RBKS: variants seen among roughly 807,000 people sequenced by gnomAD.
RBKS encodes the protein ribokinase.
In RBKS, 33 loss-of-function variants were observed where a neutral mutation model predicts 33.9. That is an observed-to-expected ratio of 0.97 (90% CI 0.74 to 1.30). The LOEUF (loss-of-function observed/expected upper bound fraction) is 1.30. Ranked by LOEUF, RBKS falls within the 50% of genes most tolerant of loss-of-function variation. The pLI, the probability that RBKS is intolerant of heterozygous loss-of-function variation, is 0.00. For missense variants in RBKS, 361 were observed against 392.6 expected (o/e 0.92, Z 0.68); for synonymous variants, 125 against 143.0 (o/e 0.87, Z 0.90).
At chr2:27,864,808 C>T (rs1664056622) in intron 1 of RBKS, among the ~76,000 whole-genome samples, 1 of 152,204 alleles carries the variant, frequency 6.6e-6, no homozygotes, top group Non-Finnish European at 1.5e-5. Context: ...GGACATTTCA[C>T]ACACAGCTGC....
rs75327844 is a variant in RBKS at position 27,782,628 on chromosome 2, A to G, written c.796-840T>C. On this transcript the variant is annotated intron_variant, in intron 7 of 7. Transcript: ENST00000302188. ...GGTGAAATGTCATTTTCATCACATC[A>G]TATTAAGGGCACATATGATCAACAT... 1,565 of 467,566 alleles carry G rather than the reference A, an allele frequency of 3.3e-3. 21 individuals are homozygous for G. Among genetic ancestry groups the G allele is most frequent in the African/African-American group, 0.028 (1,427 of 50,188 alleles). The allele number at this position is 467,566 out of a possible 1,614,324, so 29.0% of individuals were successfully genotyped here.
intron 7 of RBKS, among the ~76,000 whole-genome samples, chr2:27,823,572 G>C (rs537712460): frequency 1.3e-5 from 2 of 152,154 alleles, no homozygotes; most frequent in African/African-American, 2.4e-5. Flanking sequence ...ATGCCTCCCT[G>C]GGAGCTCCTC....
rs557168800 is a variant in RBKS, at chr2:27,837,090, G to A, written c.515-4313C>T. On this transcript the variant is annotated intron_variant, in intron 5 of 7. Transcript: ENST00000302188. This position sits in a 1 kb window ranked among gnomAD's most constrained non-coding sequence, Gnocchi z 4.0. ...AGATTAAGATCATCCTGGCTAACACGGTGAAACCCTGTCTCTACTAAAAAT... is the reference window on the plus strand; with the variant it reads ...AGATTAAGATCATCCTGGCTAACACAGTGAAACCCTGTCTCTACTAAAAAT... 6.6e-6 allele frequency among the ~76,000 whole-genome samples: 1 copy of A among 151,942 alleles called. No homozygotes were observed. Among genetic ancestry groups the A allele is most frequent in the East Asian group, 1.9e-4 (1 of 5,192 alleles).
In RBKS at chr2:27,890,358, C is replaced by T. The variant is rs1387243694; in HGVS notation, c.-13G>A. 6.2e-7 allele frequency: 1 copy of T among 1,611,896 alleles called. No individual in the cohort carries two copies. Among genetic ancestry groups the T allele is most frequent in the Non-Finnish European group, 8.5e-7 (1 of 1,179,556 alleles). On this transcript the variant is annotated 5_prime_UTR_variant, in exon 1 of 8. Coordinates refer to ENST00000302188, the MANE Select transcript of RBKS (RefSeq NM_022128.3). The surrounding 1 kb of genome is among the most constrained non-coding windows in gnomAD (Gnocchi z 4.8). ...CAGACGCCGCCATCGCTCAAAGGTG[C>T]TGCTGTCCAACCTGGACGGTGACCT...
intron 7 of RBKS, among the ~76,000 whole-genome samples, chr2:27,806,577 A>G (rs2148191772): frequency 6.6e-6 from 1 of 152,350 alleles, no homozygotes; most frequent in African/African-American, 2.4e-5. Context: ...CTCAAGGTCA[A>G]ATGGCTAGGT....
intron 7 of RBKS, among the ~76,000 whole-genome samples, chr2:27,787,544 G>A (rs1677428329): frequency 6.6e-6 from 1 of 152,186 alleles, no homozygotes; most frequent in African/African-American, 2.4e-5. Context: ...ACAGGTACGA[G>A]CCACTGTGCC....
At position 27,890,330 on chromosome 2, in the gene RBKS, C is replaced by T. The variant is rs1453732486; in HGVS notation, c.16G>A (p.Glu6Lys). ...TCCTCTTGCCACTGCCTCTGGGGTT[C>T]CCCAGACGCCGCCATCGCTCAAAGG... MAASG[E>K]PQRQWQEEVA... The change falls in exon 1 of 8, where the codon GAA becomes AAA. Residue 6 changes from glutamate to lysine, a missense_variant. Coordinates refer to ENST00000302188, the MANE Select transcript of RBKS (RefSeq NM_022128.3). The surrounding 1 kb of genome is among the most constrained non-coding windows in gnomAD (Gnocchi z 4.8). 1 of 1,613,550 alleles carries T rather than the reference C, an allele frequency of 6.2e-7. No individual in the cohort carries two copies. Among genetic ancestry groups the T allele is most frequent in the Non-Finnish European group, 8.5e-7 (1 of 1,179,990 alleles).
chr2:27,842,877 TG>T (rs1222608429), intron 5 of RBKS, among the ~76,000 whole-genome samples, 189 bp downstream of exon 5: 1 of 151,966 alleles, frequency 6.6e-6, no homozygotes, highest in Non-Finnish European at 1.5e-5. Context: ...ATGCTACTCA[TG>T]TTTTTTTTTT....
chr2:27,828,932 A>G (rs1678370569), intron 6 of RBKS, among the ~76,000 whole-genome samples: 1 of 152,034 alleles, frequency 6.6e-6, no homozygotes, highest in Non-Finnish European at 1.5e-5. Flanking sequence ...TTGCTCTATT[A>G]CTCCAGCTGG....
At chr2:27,828,130 T>C (rs1022662659) in intron 6 of RBKS, among the ~76,000 whole-genome samples, 113 of 152,336 alleles carry the variant, frequency 7.4e-4, no homozygotes, top group African/African-American at 2.5e-3. Flanking sequence ...TACTTTTTTT[T>C]CCACTTACTT....
chr2:27,844,304 T>G (rs1663574335), intron 4 of RBKS, among the ~76,000 whole-genome samples: 1 of 147,580 alleles, frequency 6.8e-6, no homozygotes, highest in Non-Finnish European at 1.5e-5. Flanking sequence ...TCCACTGAGG[T>G]GTGCTTCAAG....
At chr2:27,874,598 A>T (rs1250752907) in intron 1 of RBKS, among the ~76,000 whole-genome samples, 1 of 152,190 alleles carries the variant, frequency 6.6e-6, no homozygotes, top group Non-Finnish European at 1.5e-5. Context: ...ATCTGTGCCA[A>T]TCATGACTCC....
At position 27,810,976 on chromosome 2, in the gene RBKS, G is replaced by A. The variant is rs896268449; in HGVS notation, c.795+16591C>T. On this transcript the variant is annotated intron_variant, in intron 7 of 7. Coordinates refer to ENST00000302188, the MANE Select transcript of RBKS (RefSeq NM_022128.3). This position sits in a 1 kb window ranked among gnomAD's most constrained non-coding sequence, Gnocchi z 4.4. ...GTGTGAATTCTCAGAAGTGGCAAAG[G>A]AAGCCCTTTACAACCCAACCCTGCC... 6.6e-6 allele frequency among the ~76,000 whole-genome samples: 1 copy of A among 152,152 alleles called. No individual in the cohort carries two copies. The highest frequency in any genetic ancestry group is 1.5e-5 in the Non-Finnish European group (1 of 68,026).
At chr2:27,813,242 C>T (rs954976029) in intron 7 of RBKS, among the ~76,000 whole-genome samples, 4 of 151,968 alleles carry the variant, frequency 2.6e-5, no homozygotes, top group African/African-American at 4.8e-5. Flanking sequence ...GCTCACAGCC[C>T]GCAATTATAA....
Position 27,832,727 on chromosome 2 carries a change from A to C in RBKS, c.565T>G (p.Phe189Val), listed in dbSNP as rs775434184. 100 of 1,612,044 alleles carry C rather than the reference A, an allele frequency of 6.2e-5. No individual in the cohort carries two copies. The highest frequency in any genetic ancestry group is 8.4e-5 in the Non-Finnish European group (99 of 1,179,072). The part of the protein sequence containing the change: ...APAIADLDPQ[F>V]YTLSDVFCCN... ...CAGAACACATCTGAGAGGGTGTAGA[A>C]CTGGGGATCCAGGTCAGCAATGGCA... Residue 189 changes from phenylalanine to valine, a missense_variant, in exon 6 of 8, where the codon TTC (phenylalanine) becomes GTC (valine). By Grantham distance (50) the Phe-to-Val change is conservative. Transcript: ENST00000302188.
rs180709650 is a variant in RBKS, at chr2:27,837,782, G to A, written c.515-5005C>T. On this transcript the variant is annotated intron_variant, in intron 5 of 7. Transcript: ENST00000302188. The surrounding 1 kb of genome is among the most constrained non-coding windows in gnomAD (Gnocchi z 4.0). ...TAAGTGGGGGCTAAATATTGAGTACGCATGGACAGAAAGATGGGAACAACA... is the reference window on the plus strand; with the variant it reads ...TAAGTGGGGGCTAAATATTGAGTACACATGGACAGAAAGATGGGAACAACA... 2.2e-4 allele frequency among the ~76,000 whole-genome samples: 33 copies of A among 152,246 alleles called. No individual in the cohort carries two copies. In the East Asian group the frequency reaches 6.0e-3, roughly 28 times the overall value.
intron 7 of RBKS, among the ~76,000 whole-genome samples, chr2:27,785,170 TAAGC>T (rs1444195745): frequency 6.6e-6 from 1 of 151,988 alleles, no homozygotes; most frequent in South Asian, 2.1e-4. Flanking sequence ...ACGGAAAACA[TAAGC>T]AAGTCAGTAA....
At chr2:27,820,908 C>T (rs1221048826) in intron 7 of RBKS, among the ~76,000 whole-genome samples, 6 of 151,780 alleles carry the variant, frequency 4.0e-5, no homozygotes, top group East Asian at 1.9e-4. Context: ...GGAGTGGTGG[C>T]GCATGCCTGT....
rs1038525696 is a variant in RBKS at position 27,838,710 on chromosome 2, C to T, written c.514+4357G>A. On this transcript the variant is annotated intron_variant, in intron 5 of 7. Coordinates refer to ENST00000302188, the MANE Select transcript of RBKS (RefSeq NM_022128.3). ...AAGAAGAATGCAAATCTGTAATAGA[C>T]AAGGTGGAAGCCATGATGTCATCCT... Among the ~76,000 whole-genome samples the T allele has an allele frequency of 2.0e-5, 3 of 152,286 alleles. No individual in the cohort carries two copies. The South Asian group carries it at 6.2e-4, about 32-fold the overall frequency.
Sources: gnomAD v4.1 joint callset for allele counts (sites outside exome capture counted in the v4.1 genomes callset) on GRCh38, gnomAD v4.1.1 for gene constraint, Gnocchi (gnomAD v3.1) non-coding constraint, MANE v1.5 for transcripts, NCBI Gene and HGNC (gene_info 2026-07-23, HGNC 2026-07-21) for gene names.